The following MOB1B variants were observed in gnomAD, a reference collection of about 807,000 sequenced individuals.
The protein encoded by MOB1B is MOB1 Mps One Binder homolog B.
In MOB1B, 19 loss-of-function variants were observed where a neutral mutation model predicts 24.4. That is an observed-to-expected ratio of 0.78 (90% CI 0.54 to 1.14). The LOEUF (loss-of-function observed/expected upper bound fraction) is 1.14. Ranked by LOEUF, MOB1B falls within the 50% of genes most tolerant of loss-of-function variation. MOB1B has a pLI of 0.00. For synonymous variants in MOB1B, 76 were observed against 82.1 expected, an observed-to-expected ratio of 0.93 and a Z score of 0.40; for missense variants, 243 against 259.6, an observed-to-expected ratio of 0.94 and a Z score of 0.44.
chr4:70,961,359 C>T (rs532827544), intron 2 of MOB1B, among the ~76,000 whole-genome samples: 169 of 152,244 alleles, frequency 1.1e-3, no homozygotes, highest in African/African-American at 3.9e-3. Flanking sequence ...ACATCCCAAG[C>T]GGACGGAGTG....
At position 70,984,773 on chromosome 4, in the gene MOB1B, C is replaced by T. The variant is rs1323137390; in HGVS notation, c.*2716C>T. On this transcript the variant is annotated 3_prime_UTR_variant, in exon 6 of 6. Transcript: ENST00000309395. ...AAAAGAGTGAAAATATTTTAATTAG[C>T]AGTAGATGGTGCTACTGGCTTTCAT... The T allele has an allele frequency of 1.3e-5, 2 of 152,080 alleles. No homozygotes were observed. The highest frequency in any genetic ancestry group is 2.9e-5 in the Non-Finnish European group (2 of 68,010). The allele number at this position is 152,080 out of a possible 1,614,324, so 9.4% of individuals were successfully genotyped here. A position where few individuals can be genotyped will look rare whatever the true frequency, so the allele number is the denominator to read the frequency against.
intron 3 of MOB1B, among the ~76,000 whole-genome samples, chr4:70,970,954 G>C (rs529918059): frequency 2.6e-4 from 40 of 152,354 alleles, no homozygotes; most frequent in African/African-American, 9.6e-4. Flanking sequence ...GAGTATAGCT[G>C]CAGAGCTATT....
At chr4:70,970,057 T>G (rs750291058) in intron 3 of MOB1B, 33 bp downstream of exon 3, 1 of 1,227,902 alleles carries the variant, frequency 8.1e-7, no homozygotes, top group Non-Finnish European at 1.2e-6. Context: ...TTTCTTATTT[T>G]TACATTATTT....
intron 2 of MOB1B, 64 bp downstream of exon 2, chr4:70,959,104 T>C (rs1211602405): frequency 7.4e-7 from 1 of 1,348,498 alleles, no homozygotes; most frequent in African/African-American, 1.5e-5. Flanking sequence ...TGTTGGTGAG[T>C]GTTGGTGCTG....
chr4:70,946,466 A>T (rs1260505343), intron 1 of MOB1B, among the ~76,000 whole-genome samples: 1 of 152,198 alleles, frequency 6.6e-6, no homozygotes, highest in Non-Finnish European at 1.5e-5. Flanking sequence ...GGAGAGGGAA[A>T]AAGAAATATA....
chr4:70,936,321 A>C (rs967520755), intron 1 of MOB1B, among the ~76,000 whole-genome samples: 2 of 152,144 alleles, frequency 1.3e-5, no homozygotes, highest in Non-Finnish European at 2.9e-5. Flanking sequence ...GCTAATCATT[A>C]AACTTTTCTT....
intron 4 of MOB1B, chr4:70,975,962 T>TAA (rs1738971531): frequency 2.6e-6 from 1 of 390,964 alleles, no homozygotes; most frequent in South Asian, 1.1e-4. Context: ...TGCAGTGGCG[T>TAA]GATCTTGGCT....
intron 1 of MOB1B, among the ~76,000 whole-genome samples, chr4:70,908,922 G>A (rs543985618): frequency 6.6e-6 from 1 of 151,484 alleles, no homozygotes; most frequent in Admixed American, 6.6e-5. Context: ...GTAGTGGCGG[G>A]CGCCTGTAAT....
chr4:70,914,291 C>T (rs191791415), intron 1 of MOB1B, among the ~76,000 whole-genome samples: 2 of 152,340 alleles, frequency 1.3e-5, no homozygotes, highest in East Asian at 3.9e-4. Context: ...CCTAAAGTGA[C>T]TAAGGCAGTG....
chr4:70,975,572 C>G, intron 4 of MOB1B: 4 of 1,030,018 alleles, frequency 3.9e-6, no homozygotes, highest in Non-Finnish European at 4.7e-6. Context: ...ATCTCCCTCT[C>G]TTAAGGTAAT....
In MOB1B at chr4:70,969,975, A is replaced by G. The variant is rs772591968; in HGVS notation, c.226A>G (p.Thr76Ala). 1.2e-5 allele frequency: 19 copies of G among 1,607,836 alleles called. No homozygotes were observed. Among genetic ancestry groups the G allele is most frequent in the Non-Finnish European group, 1.6e-5 (19 of 1,176,668 alleles). ...NQINMLYGTI[T>A]DFCTEESCPV... ...GATCAACATGCTTTATGGAACTATC[A>G]CAGACTTCTGTACAGAAGAGAGTTG... Residue 76 changes from threonine to alanine, a missense_variant, in exon 3 of 6, where the codon ACA becomes GCA. By Grantham distance (58) the Thr-to-Ala change is moderately conservative. Coordinates refer to ENST00000309395, the MANE Select transcript of MOB1B (RefSeq NM_173468.4).
chr4:70,914,169 A>G (rs1176732719), intron 1 of MOB1B, among the ~76,000 whole-genome samples: 5 of 152,234 alleles, frequency 3.3e-5, no homozygotes, highest in Admixed American at 2.6e-4. Context: ...GGGCTTCACC[A>G]GACATCAAAT....
In MOB1B at chr4:70,981,971, C is replaced by A. The variant is rs368477034; in HGVS notation, c.574-9C>A. 35 of 1,571,042 alleles carry A rather than the reference C, an allele frequency of 2.2e-5. No individual in the cohort carries two copies. Among genetic ancestry groups the A allele is most frequent in the Middle Eastern group, 3.3e-4 (2 of 6,000 alleles). On this transcript the variant is annotated splice_polypyrimidine_tract_variant and intron_variant, in intron 5 of 5. Coordinates refer to ENST00000309395, the MANE Select transcript of MOB1B (RefSeq NM_173468.4). ...CTATTTATTCTGCCTTTCTTTATAT[C>A]ATGCATAGGAATTCAACCTTATTGA...
chr4:70,940,920 G>A (rs1028236235), intron 1 of MOB1B, among the ~76,000 whole-genome samples: 5 of 152,048 alleles, frequency 3.3e-5, no homozygotes, highest in South Asian at 2.1e-4. Flanking sequence ...TGATCCGCCC[G>A]CCTCGGCCTC....
chr4:70,951,404 C>T (rs527415413), intron 1 of MOB1B, among the ~76,000 whole-genome samples: 2 of 152,228 alleles, frequency 1.3e-5, no homozygotes, highest in Non-Finnish European at 2.9e-5. Context: ...GATATGTATT[C>T]AGAGCTATCT....
intron 1 of MOB1B, among the ~76,000 whole-genome samples, chr4:70,923,816 C>T (rs1045477137): frequency 1.6e-4 from 24 of 151,214 alleles, no homozygotes; most frequent in African/African-American, 5.3e-4. Flanking sequence ...TGGGCCTGGT[C>T]GTGGGCGCCT....
chr4:70,916,233 C>T (rs1490736693), intron 1 of MOB1B, among the ~76,000 whole-genome samples: 1 of 152,190 alleles, frequency 6.6e-6, no homozygotes, highest in Non-Finnish European at 1.5e-5. Context: ...GCCTTAGTAT[C>T]ACTCTCAGTT....
intron 1 of MOB1B, among the ~76,000 whole-genome samples, chr4:70,942,474 C>T (rs373267525): frequency 6.6e-6 from 1 of 151,970 alleles, no homozygotes; most frequent in Non-Finnish European, 1.5e-5. Context: ...CATTGAATTT[C>T]TCATAAATGC....
intron 1 of MOB1B, among the ~76,000 whole-genome samples, chr4:70,921,476 T>C: frequency 7.5e-6 from 1 of 133,198 alleles, no homozygotes. Flanking sequence ...TTCTCTCTTC[T>C]CTTCTCTCCC....
Sources: gnomAD v4.1 joint callset for allele counts (sites outside exome capture counted in the v4.1 genomes callset) on GRCh38, gnomAD v4.1.1 for gene constraint, MANE v1.5 for transcripts, NCBI Gene and HGNC (gene_info 2026-07-23, HGNC 2026-07-21) for gene names.